Variants in HDAC9 observed in about 807,000 individuals in gnomAD.
The protein encoded by HDAC9 is MEF-2 interacting transcription repressor (MITR) protein.
Under a neutral mutation model 139.4 loss-of-function variants are expected in HDAC9, and 41 were observed. The observed-to-expected ratio is 0.29, with a 90% confidence interval of 0.23 to 0.38. HDAC9 has a LOEUF of 0.38. Among genes scored for constraint, HDAC9 ranks in the 10% least tolerant of loss-of-function variants. HDAC9 has a pLI of 1.00. For missense variants in HDAC9, 1,147 were observed against 1,297.0 expected (o/e 0.88, Z 1.78); for synonymous variants, 517 against 476.2 (o/e 1.09, Z -1.12).
intron 13 of HDAC9, among the ~76,000 whole-genome samples, chr7:18,732,445 AGTAT>A (rs1786148828): frequency 1.5e-5 from 2 of 132,962 alleles, no homozygotes; most frequent in African/African-American, 6.2e-5. Flanking sequence ...TCTATCTGAA[AGTAT>A]GTGTGTATAT....
At chr7:18,827,154 G>A (rs991983583) in intron 17 of HDAC9, among the ~76,000 whole-genome samples, 13 of 151,362 alleles carry the variant, frequency 8.6e-5, no homozygotes, top group African/African-American at 2.2e-4. Flanking sequence ...ACCTTCCTTC[G>A]TATATATTAT....
intron 16 of HDAC9, among the ~76,000 whole-genome samples, chr7:18,777,680 A>G (rs557936300): frequency 3.4e-4 from 51 of 152,130 alleles, no homozygotes; most frequent in African/African-American, 1.2e-3. Flanking sequence ...ATTTTTTAGG[A>G]TTATGCTTTA....
At chr7:18,220,873 T>A (rs1173995922) in intron 2 of HDAC9, among the ~76,000 whole-genome samples, 1 of 152,146 alleles carries the variant, frequency 6.6e-6, no homozygotes, top group Non-Finnish European at 1.5e-5. Context: ...GAACCATAAT[T>A]TCTCACTTAT....
At chr7:18,798,480 C>A (rs1391683582) in intron 17 of HDAC9, among the ~76,000 whole-genome samples, 1 of 152,100 alleles carries the variant, frequency 6.6e-6, no homozygotes, top group Non-Finnish European at 1.5e-5. Flanking sequence ...TCCATGGTAG[C>A]CTTACCAAAT....
Position 18,529,510 on chromosome 7 carries a change from T to C in HDAC9, c.22+33186T>C, listed in dbSNP as rs1327430368. On this transcript the variant is annotated intron_variant, in intron 2 of 25. Transcript: ENST00000686413. ...TTCCAAAGTAGATGCCAAAGTAGAT[T>C]GAGGAAGTTAGTGGATTAGTCCCTA... 2.6e-5 allele frequency among the ~76,000 whole-genome samples: 4 copies of C among 152,306 alleles called. No individual in the cohort carries two copies. The East Asian group carries it at 7.7e-4, about 29-fold the overall frequency.
At position 18,935,485 on chromosome 7, in the gene HDAC9, C is replaced by T. The variant is rs535718357; in HGVS notation, c.2804-324C>T. The stretch of plus-strand genomic sequence containing the variant: ...ATGGAAGAGTTTACCTTGTTAACAC[C>T]TGCTGAAGAGTATTCAGTTTTTTTA... On this transcript the variant is annotated intron_variant, in intron 22 of 25. Coordinates refer to ENST00000686413, the MANE Select transcript of HDAC9 (RefSeq NM_178425.4). 2.6e-5 allele frequency among the ~76,000 whole-genome samples: 4 copies of T among 152,146 alleles called. 1 individual carries two copies. In the South Asian group the frequency reaches 8.3e-4, roughly 32 times the overall value.
intron 2 of HDAC9, among the ~76,000 whole-genome samples, chr7:18,168,926 T>TGTGCGC (rs1407586998): frequency 3.8e-5 from 5 of 130,062 alleles, no homozygotes; most frequent in African/African-American, 1.5e-4. Flanking sequence ...TGTGTGTGTG[T>TGTGCGC]GCGCGCATGT....
chr7:18,282,327 G>A (rs1797157894), intron 2 of HDAC9, among the ~76,000 whole-genome samples: 1 of 152,152 alleles, frequency 6.6e-6, no homozygotes, highest in Non-Finnish European at 1.5e-5. Flanking sequence ...ATAAAGTCCA[G>A]AAAGTTTAAT....
intron 22 of HDAC9, among the ~76,000 whole-genome samples, chr7:18,890,270 C>T (rs1800562445): frequency 6.6e-6 from 1 of 152,204 alleles, no homozygotes; most frequent in Non-Finnish European, 1.5e-5. Context: ...TAATGCATGA[C>T]AGTTGAACAG....
At chr7:18,859,586 G>A (rs1797936661) in intron 21 of HDAC9, among the ~76,000 whole-genome samples, 1 of 150,750 alleles carries the variant, frequency 6.6e-6, no homozygotes, top group Non-Finnish European at 1.5e-5. Flanking sequence ...GCCTTCCTCA[G>A]AAAGGCCACA....
intron 22 of HDAC9, among the ~76,000 whole-genome samples, chr7:18,910,624 C>G (rs1242025857): frequency 2.0e-5 from 3 of 151,902 alleles, no homozygotes; most frequent in African/African-American, 7.2e-5. Flanking sequence ...CATTCCAGTT[C>G]TTACAGAAAA....
intron 12 of HDAC9, among the ~76,000 whole-genome samples, chr7:18,676,167 G>T (rs566661768): frequency 1.3e-5 from 2 of 152,032 alleles, no homozygotes; most frequent in East Asian, 3.9e-4. Context: ...CCTATAGGGG[G>T]TTCTCTTGTC....
intron 21 of HDAC9, among the ~76,000 whole-genome samples, chr7:18,863,720 T>C (rs1024113551): frequency 4.6e-5 from 7 of 152,052 alleles, no homozygotes; most frequent in East Asian, 1.9e-4. Context: ...GTAAGTGTTA[T>C]GGTGAAAAAA....
intron 24 of HDAC9, among the ~76,000 whole-genome samples, chr7:18,971,150 T>A (rs1286231714): frequency 6.6e-6 from 1 of 152,194 alleles, no homozygotes; most frequent in East Asian, 1.9e-4. Context: ...ATACTTTTTA[T>A]CTTTATTGTA....
chr7:18,362,123 T>G (rs1401280709), intron 1 of HDAC9, among the ~76,000 whole-genome samples: 2 of 152,194 alleles, frequency 1.3e-5, no homozygotes, highest in Admixed American at 1.3e-4. Flanking sequence ...GATTATGAAT[T>G]GTTTCTGGGA....
chr7:18,938,325 G>T (rs1332751440), intron 23 of HDAC9, among the ~76,000 whole-genome samples: 1 of 152,010 alleles, frequency 6.6e-6, no homozygotes, highest in Non-Finnish European at 1.5e-5. Flanking sequence ...GCCGGGCGCG[G>T]TGTCTCACGC....
chr7:18,989,055 C>G (rs1271029071), intron 25 of HDAC9, among the ~76,000 whole-genome samples: 4 of 125,528 alleles, frequency 3.2e-5, no homozygotes, highest in African/African-American at 6.2e-5. Flanking sequence ...AGCATTTAGT[C>G]CATTTACATT....
In HDAC9 at chr7:18,104,305, G is replaced by C. The variant is rs1225963416; in HGVS notation, c.-97+17092G>C. Among the ~76,000 whole-genome samples, 3 of 151,754 alleles carry C rather than the reference G, an allele frequency of 2.0e-5. No individual in the cohort carries two copies. In the East Asian group the frequency reaches 5.8e-4, roughly 29 times the overall value. On this transcript the variant is annotated intron_variant, in intron 1 of 12. Coordinates refer to the HDAC9 transcript ENST00000417496. ...TCTTTTTGTAACCATAAGCTTGAAA[G>C]GACCAAGTGATCATACATCATAGAG...
rs928868218 is a variant in HDAC9, at chr7:18,130,732, C to T, written c.-96-31497C>T. Among the ~76,000 whole-genome samples, 3 of 152,092 alleles carry T rather than the reference C, an allele frequency of 2.0e-5. 1 individual carries two copies. The South Asian group carries it at 6.2e-4, about 32-fold the overall frequency. On this transcript the variant is annotated intron_variant, in intron 1 of 12. Coordinates refer to the HDAC9 transcript ENST00000417496. ...TTATCTATTTTGGATATTTCATATA[C>T]ATGGAATTATATAATTTGTGATCTT...
Sources: allele counts gnomAD v4.1 joint callset (sites outside exome capture counted in the v4.1 genomes callset), GRCh38; gene constraint gnomAD v4.1.1; transcripts MANE v1.5; gene names NCBI Gene and HGNC (gene_info 2026-07-23, HGNC 2026-07-21).